Variants in KCNIP4 observed in about 807,000 individuals in gnomAD.
KCNIP4 encodes Kv channel-interacting protein 4.
KCNIP4 carries 12 observed loss-of-function variants against 34.0 expected under a neutral mutation model. The ratio of observed to expected loss-of-function variants is 0.35; its 90% CI spans 0.23 to 0.57. KCNIP4 has a LOEUF of 0.57. KCNIP4 is among the 20% of genes least tolerant of loss of function. KCNIP4 has a pLI of 0.83. For synonymous variants in KCNIP4, 124 were observed against 102.2 expected (o/e 1.21, Z -1.29); for missense variants, 238 against 311.7 (o/e 0.76, Z 1.78).
chr4:21,876,529 T>A (rs1189391421), intron 1 of KCNIP4, among the ~76,000 whole-genome samples: 1 of 152,106 alleles, frequency 6.6e-6, no homozygotes, highest in African/African-American at 2.4e-5. Context: ...ACTCCCTTTC[T>A]CCAAGACTAA....
At chr4:20,867,274 C>G (rs1007353118) in intron 2 of KCNIP4, among the ~76,000 whole-genome samples, 6 of 151,544 alleles carry the variant, frequency 4.0e-5, no homozygotes, top group Non-Finnish European at 8.8e-5. Flanking sequence ...ATTTTAAACT[C>G]TACTATAAAG....
chr4:21,256,271 G>A (rs1310359374), intron 1 of KCNIP4, among the ~76,000 whole-genome samples: 3 of 152,114 alleles, frequency 2.0e-5, no homozygotes, highest in African/African-American at 7.2e-5. Context: ...GGGCAGAAAG[G>A]AAGCCAAAGG....
intron 1 of KCNIP4, among the ~76,000 whole-genome samples, chr4:21,302,953 T>A (rs573191930): frequency 1.3e-5 from 2 of 152,200 alleles, no homozygotes; most frequent in South Asian, 4.1e-4. Flanking sequence ...ACGTCAAACA[T>A]CATCTAGAGC....
At chr4:20,994,250 T>G (rs1243381113) in intron 1 of KCNIP4, among the ~76,000 whole-genome samples, 2 of 152,190 alleles carry the variant, frequency 1.3e-5, no homozygotes, top group African/African-American at 4.8e-5. Context: ...TGTAATATAT[T>G]AGTTATTTTT....
At chr4:21,494,143 G>C (rs1263084378) in intron 1 of KCNIP4, among the ~76,000 whole-genome samples, 1 of 152,114 alleles carries the variant, frequency 6.6e-6, no homozygotes, top group Non-Finnish European at 1.5e-5. Context: ...AGCACACTAG[G>C]AATCTGACCC....
chr4:21,507,219 C>T (rs1733919533), intron 1 of KCNIP4, among the ~76,000 whole-genome samples: 1 of 151,864 alleles, frequency 6.6e-6, no homozygotes, highest in Admixed American at 6.6e-5. Context: ...CACTCACTGG[C>T]TGCACATGGC....
At chr4:21,178,350 G>A (rs999495505) in intron 1 of KCNIP4, among the ~76,000 whole-genome samples, 1 of 152,162 alleles carries the variant, frequency 6.6e-6, no homozygotes, top group African/African-American at 2.4e-5. Context: ...AGATTTTGTT[G>A]TTGATGTTTT....
intron 1 of KCNIP4, among the ~76,000 whole-genome samples, chr4:21,663,659 C>T (rs1037605179): frequency 6.6e-6 from 1 of 152,172 alleles, no homozygotes; most frequent in Non-Finnish European, 1.5e-5. Context: ...CTAATACTCA[C>T]TGATTCTTGA....
intron 1 of KCNIP4, among the ~76,000 whole-genome samples, chr4:21,816,308 A>G (rs990852073): frequency 4.6e-5 from 7 of 152,190 alleles, no homozygotes; most frequent in South Asian, 2.1e-4. Context: ...ATAACTCTGA[A>G]TATCTATGGA....
chr4:21,056,771 T>C (rs1055922542), intron 1 of KCNIP4, among the ~76,000 whole-genome samples: 2 of 152,114 alleles, frequency 1.3e-5, no homozygotes, highest in East Asian at 1.9e-4. Flanking sequence ...AATGTTTGTG[T>C]CCCCTCAAAA....
At chr4:21,622,314 G>A (rs1305316650) in intron 1 of KCNIP4, among the ~76,000 whole-genome samples, 1 of 152,116 alleles carries the variant, frequency 6.6e-6, no homozygotes, top group Non-Finnish European at 1.5e-5. Flanking sequence ...TATGTTAATT[G>A]AGGTCATAAT....
chr4:21,227,851 G>A lies in KCNIP4; in HGVS notation c.62-345142C>T, dbSNP rs184340637. On this transcript the variant is annotated intron_variant, in intron 1 of 8. Coordinates refer to ENST00000382152, the MANE Select transcript of KCNIP4 (RefSeq NM_025221.6). Reference sequence around the variant, plus strand: ...AGAGCTGACATACTCCTGGAGGAGCGGACAGATCAACTATCCTTTATGTCA... The same window carrying A: ...AGAGCTGACATACTCCTGGAGGAGCAGACAGATCAACTATCCTTTATGTCA... Among the ~76,000 whole-genome samples, 843 of 152,092 alleles carry A rather than the reference G, an allele frequency of 5.5e-3. 9 individuals carry two copies. The highest frequency in any genetic ancestry group is 8.4e-3 in the Non-Finnish European group (573 of 67,988).
chr4:21,117,937 A>G (rs1444453309), intron 1 of KCNIP4, among the ~76,000 whole-genome samples: 2 of 152,186 alleles, frequency 1.3e-5, no homozygotes, highest in Non-Finnish European at 2.9e-5. Flanking sequence ...AGACAAAACT[A>G]TAAATACTTA....
intron 3 of KCNIP4, among the ~76,000 whole-genome samples, chr4:20,778,366 T>C (rs775166244): frequency 6.6e-6 from 1 of 152,198 alleles, no homozygotes; most frequent in Non-Finnish European, 1.5e-5. Context: ...TAACTCATAG[T>C]TAGAATTAAA....
intron 1 of KCNIP4, among the ~76,000 whole-genome samples, chr4:21,765,962 G>C (rs1163743968): frequency 3.9e-5 from 6 of 152,044 alleles, no homozygotes; most frequent in Non-Finnish European, 5.9e-5. Flanking sequence ...GATTAGAAAG[G>C]AGCCATCTGC....
At chr4:21,409,080 A>G (rs1358630115) in intron 1 of KCNIP4, among the ~76,000 whole-genome samples, 1 of 128,770 alleles carries the variant, frequency 7.8e-6, no homozygotes, top group Non-Finnish European at 1.6e-5. Context: ...GTTTTAGGAA[A>G]TCTTCAAGTT....
intron 1 of KCNIP4, among the ~76,000 whole-genome samples, chr4:21,207,754 A>G (rs890394902): frequency 6.6e-6 from 1 of 152,116 alleles, no homozygotes; most frequent in Non-Finnish European, 1.5e-5. Context: ...CTTCAGACTA[A>G]GAGCCTATTT....
chr4:21,381,783 A>G (rs1461271449), intron 1 of KCNIP4, among the ~76,000 whole-genome samples: 1 of 152,174 alleles, frequency 6.6e-6, no homozygotes, highest in Non-Finnish European at 1.5e-5. Context: ...TACGACTCCC[A>G]GCTTTATTTT....
chr4:20,977,898 CACA>C (rs1369151594), intron 1 of KCNIP4, among the ~76,000 whole-genome samples: 4 of 152,212 alleles, frequency 2.6e-5, no homozygotes, highest in African/African-American at 9.6e-5. Flanking sequence ...TACTCCCTCT[CACA>C]ATACTTTTTC....
Sources: gnomAD v4.1 joint callset for allele counts (sites outside exome capture counted in the v4.1 genomes callset) on GRCh38, gnomAD v4.1.1 for gene constraint, MANE v1.5 for transcripts, NCBI Gene and HGNC (gene_info 2026-07-23, HGNC 2026-07-21) for gene names.